CSPP1: variants seen among roughly 807,000 people sequenced by gnomAD.
CSPP1 encodes the protein centrosome and spindle pole-associated protein 1.
In CSPP1, 126 loss-of-function variants were observed where a neutral mutation model predicts 164.4. The ratio of observed to expected loss-of-function variants is 0.77; its 90% CI spans 0.66 to 0.89. The LOEUF is 0.89. Among genes scored for constraint, CSPP1 ranks in the 40% least tolerant of loss-of-function variants. The probability of loss-of-function intolerance (pLI) is 0.00; values close to 1 mark genes in which losing one functional copy is unlikely to be tolerated. For missense variants in CSPP1, 1,395 were observed against 1,449.8 expected (o/e 0.96, Z 0.61); for synonymous variants, 472 against 476.7 (o/e 0.99, Z 0.13).
At chr8:67,090,867 A>G (rs1811468173) in intron 4 of CSPP1, among the ~76,000 whole-genome samples, 1 of 152,256 alleles carries the variant, frequency 6.6e-6, no homozygotes, top group Non-Finnish European at 1.5e-5. Flanking sequence ...GATTGATTTT[A>G]TCCTTATAAC....
intron 27 of CSPP1, 69 bp downstream of exon 27, chr8:67,177,795 C>A: frequency 1.9e-6 from 2 of 1,041,528 alleles, no homozygotes; most frequent in Non-Finnish European, 3.0e-6. Context: ...ATATGATGAT[C>A]AAGTAATTCA....
At chr8:67,117,684 C>T (rs1213807990) in intron 13 of CSPP1, among the ~76,000 whole-genome samples, 1 of 152,180 alleles carries the variant, frequency 6.6e-6, no homozygotes, top group East Asian at 1.9e-4. Context: ...TTTTGTAGCT[C>T]TTTGCCTTCT....
At chr8:67,138,247 TCTC>T (rs1205300519) in intron 17 of CSPP1, among the ~76,000 whole-genome samples, 1 of 152,192 alleles carries the variant, frequency 6.6e-6, no homozygotes, top group Non-Finnish European at 1.5e-5. Flanking sequence ...GGTTCCATGA[TCTC>T]CTGTGAATAC....
intron 7 of CSPP1, among the ~76,000 whole-genome samples, chr8:67,098,557 A>T (rs1813335943): frequency 6.6e-6 from 1 of 151,848 alleles, no homozygotes; most frequent in Non-Finnish European, 1.5e-5. Flanking sequence ...TAACACTGTA[A>T]TTGATAGTTG....
intron 28 of CSPP1, among the ~76,000 whole-genome samples, chr8:67,188,987 G>A (rs1197411580): frequency 6.6e-6 from 1 of 152,196 alleles, no homozygotes; most frequent in South Asian, 2.1e-4. Flanking sequence ...CCGCCATCTT[G>A]GAAGCGGCCC....
chr8:67,105,793 C>CAT (rs1328698781), intron 8 of CSPP1, 112 bp from the exon 9 acceptor site: 18 of 664,460 alleles, frequency 2.7e-5, no homozygotes, highest in South Asian at 2.1e-4. Flanking sequence ...TTTTAATGTC[C>CAT]ATAGTACTTT....
At chr8:67,165,019 C>CA (rs777975405) in intron 24 of CSPP1, among the ~76,000 whole-genome samples, 1 of 152,194 alleles carries the variant, frequency 6.6e-6, no homozygotes, top group Non-Finnish European at 1.5e-5. Context: ...TGCAGTTGCT[C>CA]ACGCCTGTAA....
Position 67,118,499 on chromosome 8 carries a change from T to G in CSPP1, c.1618+130T>G, listed in dbSNP as rs569115920. The G allele has an allele frequency of 3.6e-4, 329 of 913,634 alleles. No individual in the cohort carries two copies. The highest frequency in any genetic ancestry group is 4.4e-4 in the Non-Finnish European group (252 of 578,886). 56.6% of individuals were successfully genotyped at this position (913,634 alleles called of 1,614,324 possible). A position where few individuals can be genotyped will look rare whatever the true frequency, so the allele number is the denominator to read the frequency against. ...CTTAATTCAGATGTTATATATTGAT[T>G]TAATAAATGCCCTATTTTAAAGCCC... On this transcript the variant is annotated intron_variant, in intron 14 of 30. Coordinates refer to ENST00000678616, the MANE Select transcript of CSPP1 (RefSeq NM_001382391.1).
intron 2 of CSPP1, 133 bp from the exon 3 acceptor site, chr8:67,076,348 CA>C (rs1259202103): frequency 2.5e-6 from 1 of 404,054 alleles, no homozygotes; most frequent in Non-Finnish European, 4.3e-6. Context: ...GCTAATTCCT[CA>C]AACCTTACAC....
Position 67,149,831 on chromosome 8 carries a change from C to G in CSPP1, c.2024C>G (p.Pro675Arg). 1 of 1,603,682 alleles carries G rather than the reference C, an allele frequency of 6.2e-7. No individual in the cohort carries two copies. Among genetic ancestry groups the G allele is most frequent in the Non-Finnish European group, 8.5e-7 (1 of 1,175,790 alleles). The change falls in exon 18 of 31, where the codon CCA becomes CGA. Residue 675 changes from proline (P) to arginine (R), a missense_variant. Transcript: ENST00000678616. ...CAAAATATAGATGCCTACCATAACC[C>G]AGATGCAAGAACATATGAAGATAAA... is the stretch of plus-strand genomic sequence containing the variant. ...HRQNIDAYHNPDARTYEDKRA... is the reference protein window; with the variant it reads ...HRQNIDAYHNRDARTYEDKRA...
chr8:67,157,365 G>A (rs557119501), intron 19 of CSPP1, among the ~76,000 whole-genome samples: 2 of 151,602 alleles, frequency 1.3e-5, no homozygotes, highest in African/African-American at 4.8e-5. Context: ...GTGCAATCTC[G>A]GCTCACTGCA....
chr8:67,184,770 A>AATAAT (rs1182626154), intron 28 of CSPP1, among the ~76,000 whole-genome samples: 12 of 134,098 alleles, frequency 8.9e-5, no homozygotes, highest in African/African-American at 3.6e-4. Flanking sequence ...ATAATAATAA[A>AATAAT]GGTTGGGGGG....
rs1470216845 is a variant in CSPP1, at chr8:67,190,642, C to T, written c.3221-8C>T. ...TAAGACTCCTTCTGCTTTTCGGGGT[C>T]CTCTTAGGGGCTTACGGTGAGACAT... is the stretch of plus-strand genomic sequence containing the variant. On this transcript the variant is annotated splice_region_variant and splice_polypyrimidine_tract_variant and intron_variant, in intron 28 of 30. Transcript: ENST00000678616. 3 of 1,607,650 alleles carry T rather than the reference C, an allele frequency of 1.9e-6. No individual in the cohort carries two copies. The African/African-American group carries it at 4.0e-5, about 22-fold the overall frequency.
At chr8:67,098,655 G>C (rs1813367867) in intron 7 of CSPP1, among the ~76,000 whole-genome samples, 1 of 151,886 alleles carries the variant, frequency 6.6e-6, no homozygotes, top group South Asian at 2.1e-4. Context: ...TTCTAAAGTA[G>C]AATGTAATAG....
intron 1 of CSPP1, among the ~76,000 whole-genome samples, chr8:67,067,002 C>G (rs1221662224): frequency 6.6e-6 from 1 of 152,170 alleles, no homozygotes; most frequent in Non-Finnish European, 1.5e-5. Context: ...GCGATCCGCC[C>G]GTCTTGGCCT....
chr8:67,169,972 T>C (rs1221457775), intron 24 of CSPP1, among the ~76,000 whole-genome samples: 1 of 151,894 alleles, frequency 6.6e-6, no homozygotes, highest in African/African-American at 2.4e-5. Flanking sequence ...GGTCTCGAAC[T>C]CCTGAGTTCA....
chr8:67,190,036 A>G (rs1835783877), intron 28 of CSPP1, among the ~76,000 whole-genome samples: 1 of 152,176 alleles, frequency 6.6e-6, no homozygotes, highest in Non-Finnish European at 1.5e-5. Flanking sequence ...CTCAAAATGC[A>G]GAGTAGAGTT....
At chr8:67,085,306 G>A (rs1010330897) in intron 3 of CSPP1, among the ~76,000 whole-genome samples, 9 of 151,452 alleles carry the variant, frequency 5.9e-5, no homozygotes, top group South Asian at 2.1e-4. Flanking sequence ...GAAATCAGAA[G>A]TGGTTTAACT....
In CSPP1 at chr8:67,115,985, A is replaced by C. The variant is rs377385599; in HGVS notation, c.1359A>C (p.Arg453Ser). ...FEEMIPPERPRIAFQTPLPPL... is the reference protein window; with the variant it reads ...FEEMIPPERPSIAFQTPLPPL... ...AGATGATACCACCTGAAAGACCCAG[A>C]ATAGCTTTCCAGACACCTCTCCCTC... Residue 453 changes from arginine to serine, a missense_variant, in exon 13 of 31, where the codon AGA (arginine) becomes AGC (serine). Physicochemically the swap from Arg to Ser is moderately radical, Grantham distance 110. Coordinates refer to ENST00000678616, the MANE Select transcript of CSPP1 (RefSeq NM_001382391.1). The C allele has an allele frequency of 3.3e-5, 54 of 1,613,992 alleles. No individual in the cohort carries two copies. The African/African-American group carries it at 6.3e-4, about 19-fold the overall frequency.
Sources: allele counts gnomAD v4.1 joint callset (sites outside exome capture counted in the v4.1 genomes callset), GRCh38; gene constraint gnomAD v4.1.1; transcripts MANE v1.5; gene names NCBI Gene and HGNC (gene_info 2026-07-23, HGNC 2026-07-21).